PGAP1: variants seen among roughly 807,000 people sequenced by gnomAD.
The protein encoded by PGAP1 is post-GPI attachment to proteins inositol deacylase 1.
PGAP1 carries 76 observed loss-of-function variants against 127.0 expected under a neutral mutation model. The ratio of observed to expected loss-of-function variants is 0.60; its 90% confidence interval spans 0.50 to 0.72. PGAP1 has a LOEUF of 0.72. PGAP1 is among the 30% of genes least tolerant of loss of function. PGAP1 has a pLI of 0.00. For synonymous variants in PGAP1, 362 were observed against 366.5 expected, an observed-to-expected ratio of 0.99 and a Z score of 0.14; for missense variants, 982 against 1,071.3, an observed-to-expected ratio of 0.92 and a Z score of 1.16.
chr2:196,924,807 T>C (rs1412664768), intron 1 of PGAP1, among the ~76,000 whole-genome samples: 1 of 152,200 alleles, frequency 6.6e-6, no homozygotes, highest in Non-Finnish European at 1.5e-5. Context: ...GTGAGATCCA[T>C]ATGCTTTGTT....
At chr2:196,882,507 AT>A (rs1362624179) in intron 12 of PGAP1, among the ~76,000 whole-genome samples, 1 of 152,014 alleles carries the variant, frequency 6.6e-6, no homozygotes, top group African/African-American at 2.4e-5. Context: ...CCATTTGTTG[AT>A]GTCATCTCTG....
intron 16 of PGAP1, 65 bp from the exon 17 acceptor site, chr2:196,873,091 A>G (rs1701457568): frequency 1.8e-6 from 1 of 565,126 alleles, no homozygotes; most frequent in Admixed American, 3.3e-5. Context: ...ATAAACTACT[A>G]TAATATCTAA....
At chr2:196,905,706 G>A (rs1192964839) in intron 4 of PGAP1, among the ~76,000 whole-genome samples, 2 of 150,358 alleles carry the variant, frequency 1.3e-5, no homozygotes, top group African/African-American at 4.9e-5. Context: ...CATCTCACTA[G>A]GGAGTGCCAG....
intron 25 of PGAP1, among the ~76,000 whole-genome samples, 192 bp from the exon 26 acceptor site, chr2:196,843,017 G>A (rs1396038079): frequency 6.6e-6 from 1 of 151,952 alleles, no homozygotes; most frequent in African/African-American, 2.4e-5. Flanking sequence ...GTTTTAGAAA[G>A]AGAATTATGA....
At chr2:196,844,608 T>C (rs755675194) in intron 23 of PGAP1, 34 bp from the exon 24 acceptor site, 62 of 1,483,218 alleles carry the variant, frequency 4.2e-5, no homozygotes, top group Non-Finnish European at 5.5e-5. Context: ...AATTTTACTT[T>C]TATTTTGAAA....
At chr2:196,886,103 A>G (rs1018925358) in intron 10 of PGAP1, among the ~76,000 whole-genome samples, 1 of 152,034 alleles carries the variant, frequency 6.6e-6, no homozygotes, top group Admixed American at 6.6e-5. Context: ...ATTGATAGGT[A>G]AGCAGTTATC....
intron 20 of PGAP1, among the ~76,000 whole-genome samples, chr2:196,861,763 C>T (rs541118693): frequency 6.6e-6 from 1 of 152,164 alleles, no homozygotes; most frequent in Admixed American, 6.5e-5. Context: ...TTATTAGTTC[C>T]CCAAATTAAT....
At chr2:196,920,222 C>A in intron 1 of PGAP1, 72 bp from the exon 2 acceptor site, 1 of 1,332,042 alleles carries the variant, frequency 7.5e-7, no homozygotes, top group South Asian at 1.5e-5. Flanking sequence ...ATATGCAATT[C>A]TGAATTACGC....
intron 20 of PGAP1, among the ~76,000 whole-genome samples, chr2:196,864,483 C>T (rs1701174088): frequency 6.6e-6 from 1 of 151,206 alleles, no homozygotes; most frequent in South Asian, 2.1e-4. Flanking sequence ...AATGTTTTGC[C>T]CCTTTTTACG....
chr2:196,846,518 T>G (rs1700561485), intron 22 of PGAP1, among the ~76,000 whole-genome samples: 1 of 152,074 alleles, frequency 6.6e-6, no homozygotes, highest in Non-Finnish European at 1.5e-5. Context: ...GGCACTAGAT[T>G]GATGATTTAC....
chr2:196,888,287 C>T (rs1183761494), intron 10 of PGAP1, among the ~76,000 whole-genome samples: 2 of 152,012 alleles, frequency 1.3e-5, no homozygotes, highest in Non-Finnish European at 2.9e-5. Context: ...TACTAAAAAC[C>T]ATCAAGTGAA....
At chr2:196,922,423 T>C (rs1703225908) in intron 1 of PGAP1, 1 of 984,068 alleles carries the variant, frequency 1.0e-6, no homozygotes. Context: ...AGTAAGGCCT[T>C]TGCTCACCAT....
intron 10 of PGAP1, among the ~76,000 whole-genome samples, chr2:196,890,497 T>G (rs332296): frequency 0.11 from 17,060 of 152,224 alleles, 996 homozygotes; most frequent in Middle Eastern, 0.13. Flanking sequence ...ATAGCTTTGC[T>G]TAATTACATC....
intron 26 of PGAP1, among the ~76,000 whole-genome samples, chr2:196,841,828 A>G (rs1700422168): frequency 6.6e-6 from 1 of 152,130 alleles, no homozygotes; most frequent in Non-Finnish European, 1.5e-5. Context: ...ACCTATTCAT[A>G]ATTTTTAAAA....
chr2:196,862,686 C>G (rs1701106620), intron 20 of PGAP1, among the ~76,000 whole-genome samples: 1 of 152,178 alleles, frequency 6.6e-6, no homozygotes, highest in Non-Finnish European at 1.5e-5. Context: ...CTCAAGCCAG[C>G]CAACGCTTAG....
Position 196,838,219 on chromosome 2 carries a change from C to T in PGAP1, c.*3015G>A, listed in dbSNP as rs1164468658. ...GTCTAGGAGTTAAGCACAAAACTTA[C>T]TCATAACTCAATTGCTAAATTAGAA... On this transcript the variant is annotated 3_prime_UTR_variant, in exon 27 of 27. Transcript: ENST00000354764. 1 of 152,164 alleles carries T rather than the reference C, an allele frequency of 6.6e-6. No individual in the cohort carries two copies. The highest frequency in any genetic ancestry group is 1.5e-5 in the Non-Finnish European group (1 of 68,024). 9.4% of individuals were successfully genotyped at this position (152,164 alleles called of 1,614,324 possible).
At chr2:196,854,960 CTTT>C (rs1204441230) in intron 20 of PGAP1, among the ~76,000 whole-genome samples, 1 of 143,862 alleles carries the variant, frequency 7.0e-6, no homozygotes, top group African/African-American at 2.5e-5. Flanking sequence ...TCTTTTTAAA[CTTT>C]TTTTTTTTTT....
At chr2:196,903,154 A>G (rs1396419884) in intron 4 of PGAP1, among the ~76,000 whole-genome samples, 1 of 152,068 alleles carries the variant, frequency 6.6e-6, no homozygotes, top group African/African-American at 2.4e-5. Flanking sequence ...GTTTCATGGT[A>G]TATGCACATG....
intron 5 of PGAP1, among the ~76,000 whole-genome samples, chr2:196,901,643 C>T (rs747371154): frequency 2.6e-5 from 4 of 152,198 alleles, no homozygotes; most frequent in Non-Finnish European, 5.9e-5. Context: ...TAAAAGGAAA[C>T]TTGACTCACT....
Sources: gnomAD v4.1 joint callset for allele counts (sites outside exome capture counted in the v4.1 genomes callset) on GRCh38, gnomAD v4.1.1 for gene constraint, MANE v1.5 for transcripts, NCBI Gene and HGNC (gene_info 2026-07-23, HGNC 2026-07-21) for gene names.